The following CNTN5 variants were observed in gnomAD, a reference collection of about 807,000 sequenced individuals.
CNTN5 encodes the protein contactin-5.
CNTN5 carries 77 observed loss-of-function variants against 129.1 expected under a neutral mutation model. The ratio of observed to expected loss-of-function variants is 0.60; its 90% CI spans 0.50 to 0.72. The LOEUF (loss-of-function observed/expected upper bound fraction) is 0.72, where lower values mean the gene tolerates loss of function less well. CNTN5 is among the 30% of genes least tolerant of loss of function. The pLI, the probability that CNTN5 is intolerant of heterozygous loss-of-function variation, is 0.00. For missense variants in CNTN5, 1,478 were observed against 1,328.8 expected (o/e 1.11, Z -1.75); for synonymous variants, 509 against 465.6 (o/e 1.09, Z -1.20).
chr11:99,425,715 C>T (rs922687816), intron 2 of CNTN5, among the ~76,000 whole-genome samples: 5 of 152,228 alleles, frequency 3.3e-5, no homozygotes, highest in African/African-American at 1.2e-4. Flanking sequence ...TCTGAGAATG[C>T]AGGGATGCCG....
chr11:100,307,197 T>G (rs2138917843), intron 20 of CNTN5, among the ~76,000 whole-genome samples: 1 of 151,824 alleles, frequency 6.6e-6, no homozygotes, highest in Middle Eastern at 3.4e-3. Context: ...CTTAACATTT[T>G]TATTTAGAAC....
chr11:99,084,353 A>T (rs771192822), intron 1 of CNTN5, among the ~76,000 whole-genome samples: 2 of 152,148 alleles, frequency 1.3e-5, no homozygotes, highest in African/African-American at 4.8e-5. Context: ...TAGAAATCCT[A>T]TTTGGCCCTA....
intron 3 of CNTN5, among the ~76,000 whole-genome samples, chr11:99,700,485 T>C (rs1665902043): frequency 6.6e-6 from 1 of 151,456 alleles, no homozygotes; most frequent in Non-Finnish European, 1.5e-5. Flanking sequence ...ATACATTACA[T>C]GATTTTGTTC....
At chr11:99,197,242 T>C (rs1055416796) in intron 1 of CNTN5, among the ~76,000 whole-genome samples, 2 of 151,944 alleles carry the variant, frequency 1.3e-5, no homozygotes, top group African/African-American at 4.8e-5. Context: ...CAATTAAAAT[T>C]ATAAATTTTA....
chr11:99,945,208 A>T (rs572601186), intron 7 of CNTN5, among the ~76,000 whole-genome samples: 101 of 152,152 alleles, frequency 6.6e-4, no homozygotes, highest in Middle Eastern at 3.4e-3. Context: ...AAAGAGTAAA[A>T]CTACTCCTAA....
At chr11:99,195,415 C>T (rs890555134) in intron 1 of CNTN5, among the ~76,000 whole-genome samples, 1 of 152,032 alleles carries the variant, frequency 6.6e-6, no homozygotes, top group African/African-American at 2.4e-5. Context: ...GATATGGCGT[C>T]CTCTTTATTT....
intron 6 of CNTN5, among the ~76,000 whole-genome samples, chr11:99,875,641 T>C (rs1948613563): frequency 6.6e-6 from 1 of 152,158 alleles, no homozygotes; most frequent in Non-Finnish European, 1.5e-5. Context: ...CATATTATTT[T>C]GTACAGTCCT....
chr11:100,156,068 C>CCTTGT (rs921173828), intron 13 of CNTN5, among the ~76,000 whole-genome samples: 3 of 151,988 alleles, frequency 2.0e-5, no homozygotes, highest in Non-Finnish European at 4.4e-5. Flanking sequence ...GAGGGGGCAC[C>CCTTGT]CTTGTCTTAT....
intron 3 of CNTN5, among the ~76,000 whole-genome samples, chr11:99,587,350 CA>C (rs1397772104): frequency 4.6e-5 from 7 of 152,126 alleles, no homozygotes; most frequent in African/African-American, 1.7e-4. Context: ...AGGATCTAAA[CA>C]AAACAATGCA....
chr11:99,563,274 C>A (rs954794653), intron 3 of CNTN5, among the ~76,000 whole-genome samples: 3 of 152,080 alleles, frequency 2.0e-5, no homozygotes, highest in Admixed American at 6.6e-5. Context: ...AGCGTTACGG[C>A]AGTGAGTTGT....
chr11:100,264,317 C>T (rs1299848618), intron 17 of CNTN5, among the ~76,000 whole-genome samples: 3 of 152,068 alleles, frequency 2.0e-5, no homozygotes, highest in African/African-American at 4.8e-5. Context: ...TTTGCTGTGC[C>T]TATCAACCTG....
chr11:99,744,030 A>C (rs527862555), intron 3 of CNTN5, among the ~76,000 whole-genome samples: 2 of 152,270 alleles, frequency 1.3e-5, no homozygotes, highest in African/African-American at 4.8e-5. Context: ...GAAAAATTTC[A>C]ACCCTTAAAA....
chr11:100,022,815 T>G (rs1225299341), intron 9 of CNTN5, among the ~76,000 whole-genome samples: 1 of 152,224 alleles, frequency 6.6e-6, no homozygotes, highest in African/African-American at 2.4e-5. Flanking sequence ...ACCAATATCT[T>G]CTTCCTTCAG....
At chr11:99,745,419 A>G (rs572366213) in intron 3 of CNTN5, among the ~76,000 whole-genome samples, 1 of 152,254 alleles carries the variant, frequency 6.6e-6, no homozygotes, top group East Asian at 1.9e-4. Flanking sequence ...TTACTAGGGT[A>G]TATTGGTTTT....
intron 13 of CNTN5, among the ~76,000 whole-genome samples, chr11:100,089,921 G>T (rs1944692781): frequency 6.6e-6 from 1 of 152,032 alleles, no homozygotes; most frequent in South Asian, 2.1e-4. Flanking sequence ...AGAGAATTGG[G>T]AAAAGTAGCT....
intron 3 of CNTN5, among the ~76,000 whole-genome samples, chr11:99,728,826 G>A (rs1565467792): frequency 6.6e-6 from 1 of 152,184 alleles, no homozygotes; most frequent in Admixed American, 6.5e-5. Flanking sequence ...GTCACTTCCA[G>A]CAGGTGAGAA....
At chr11:99,848,562 T>G (rs892001929) in intron 6 of CNTN5, among the ~76,000 whole-genome samples, 1 of 152,200 alleles carries the variant, frequency 6.6e-6, no homozygotes, top group African/African-American at 2.4e-5. Context: ...ATTTATTAAA[T>G]GTTTTAAAAT....
At chr11:99,101,891 G>A (rs1010772526) in intron 1 of CNTN5, among the ~76,000 whole-genome samples, 1 of 152,220 alleles carries the variant, frequency 6.6e-6, no homozygotes, top group Non-Finnish European at 1.5e-5. Context: ...GGGACTCTGT[G>A]TGGGGGCATC....
At chr11:99,691,072 C>T (rs1219688516) in intron 3 of CNTN5, among the ~76,000 whole-genome samples, 4 of 151,452 alleles carry the variant, frequency 2.6e-5, no homozygotes, top group African/African-American at 9.7e-5. Context: ...TCTCTGATGA[C>T]TTTTGGTATT....
Sources: gnomAD v4.1 joint callset for allele counts (sites outside exome capture counted in the v4.1 genomes callset) on GRCh38, gnomAD v4.1.1 for gene constraint, MANE v1.5 for transcripts, NCBI Gene and HGNC (gene_info 2026-07-23, HGNC 2026-07-21) for gene names.